The following RRP1B variants were observed in gnomAD, a reference collection of about 807,000 sequenced individuals.
RRP1B encodes ribosomal RNA processing 1B.
In RRP1B, 56 loss-of-function variants were observed where a neutral mutation model predicts 80.2. That is an observed-to-expected ratio of 0.70 (90% CI 0.56 to 0.87). The LOEUF (loss-of-function observed/expected upper bound fraction) is 0.87. RRP1B is among the 40% of genes least tolerant of loss of function. The probability of loss-of-function intolerance (pLI) is 0.00; values close to 1 mark genes in which losing one functional copy is unlikely to be tolerated. For synonymous variants in RRP1B, 351 were observed against 357.6 expected (o/e 0.98, Z 0.21); for missense variants, 807 against 939.8 (o/e 0.86, Z 1.85).
At chr21:43,662,810 C>T (rs575013302) in intron 1 of RRP1B, among the ~76,000 whole-genome samples, 82 of 152,244 alleles carry the variant, frequency 5.4e-4, no homozygotes, top group Middle Eastern at 3.4e-3. Flanking sequence ...CTATTATGTA[C>T]GCTATTCTTG....
At position 43,693,514 on chromosome 21, in the gene RRP1B, G is replaced by T. The variant is rs1232897910; in HGVS notation, c.*131G>T. The T allele has an allele frequency of 2.2e-6, 2 of 904,500 alleles. No homozygotes were observed. Among genetic ancestry groups the T allele is most frequent in the East Asian group, 2.9e-5 (1 of 34,258 alleles). 56.0% of individuals were successfully genotyped at this position (904,500 alleles called of 1,614,324 possible). A position where few individuals can be genotyped will look rare whatever the true frequency, so the allele number is the denominator to read the frequency against. ...GTTGTGTGCACGAGGTTCTGAGAGT[G>T]CCCGCAGGCTGCTGCGTCCTGGCCC... On this transcript the variant is annotated 3_prime_UTR_variant, in exon 16 of 16. Coordinates refer to ENST00000340648, the MANE Select transcript of RRP1B (RefSeq NM_015056.3). This position sits in a 1 kb window ranked among gnomAD's most constrained non-coding sequence, Gnocchi z 4.1.
At chr21:43,661,439 G>T (rs2082956802) in intron 1 of RRP1B, among the ~76,000 whole-genome samples, 1 of 152,130 alleles carries the variant, frequency 6.6e-6, no homozygotes, top group African/African-American at 2.4e-5. Context: ...TCAGATTCCA[G>T]CCGGACACAC....
intron 5 of RRP1B, 138 bp downstream of exon 5, chr21:43,674,835 G>C (rs2083015171): frequency 9.8e-7 from 1 of 1,020,358 alleles, no homozygotes; most frequent in Non-Finnish European, 1.5e-6. Context: ...TCCAGTAGAA[G>C]GCATAAAACA....
At chr21:43,667,997 C>A (rs1342741952) in intron 1 of RRP1B, among the ~76,000 whole-genome samples, 3 of 152,200 alleles carry the variant, frequency 2.0e-5, no homozygotes, top group Non-Finnish European at 4.4e-5. Flanking sequence ...CACCTGAGGT[C>A]AGGAGTTCCG....
At chr21:43,688,575 G>A (rs534799689) in intron 13 of RRP1B, among the ~76,000 whole-genome samples, 86 of 152,322 alleles carry the variant, frequency 5.6e-4, no homozygotes, top group Middle Eastern at 6.8e-3. Context: ...AGGCAGGTCT[G>A]GTTTTCTTCA....
At chr21:43,672,236 C>G in intron 2 of RRP1B, 72 bp from the exon 3 acceptor site, 1 of 1,352,070 alleles carries the variant, frequency 7.4e-7, no homozygotes. Context: ...GAGAAGGAAG[C>G]AGGCCGCGGC....
At chr21:43,667,174 G>T (rs1329394002) in intron 1 of RRP1B, among the ~76,000 whole-genome samples, 1 of 152,148 alleles carries the variant, frequency 6.6e-6, no homozygotes, top group Non-Finnish European at 1.5e-5. Flanking sequence ...GTGGGTTTGG[G>T]TGTTGATGGT....
At position 43,687,694 on chromosome 21, in the gene RRP1B, G is replaced by A. The variant is rs1238355676; in HGVS notation, c.1320G>A (p.Lys440=). 1.9e-6 allele frequency: 3 copies of A among 1,609,834 alleles called. No individual in the cohort carries two copies. In the Admixed American group the frequency reaches 5.0e-5, roughly 27 times the overall value. The part of the protein sequence containing the change: ...EPEASGLKAL[K]ARVAEPGAEA... ...AGGCCTCTGGGCTGAAAGCCCTGAA[G>A]GCACGTGTGGCCGAGCCAGGTGCAG... The change falls in exon 13 of 16, where the codon AAG becomes AAA. Residue 440 remains lysine, a synonymous_variant. Transcript: ENST00000340648.
chr21:43,674,137 T>C (rs762972846), intron 4 of RRP1B, among the ~76,000 whole-genome samples, 182 bp downstream of exon 4: 1 of 152,236 alleles, frequency 6.6e-6, no homozygotes, highest in Non-Finnish European at 1.5e-5. Flanking sequence ...AGGATGAGTT[T>C]GGGGAGCATT....
At chr21:43,672,427 C>T in intron 3 of RRP1B, 62 bp downstream of exon 3, 2 of 1,386,214 alleles carry the variant, frequency 1.4e-6, no homozygotes, top group Non-Finnish European at 1.0e-6. Flanking sequence ...TTAATGGGAA[C>T]CTTGTGCCGG....
chr21:43,666,963 G>A (rs988943725), intron 1 of RRP1B, among the ~76,000 whole-genome samples: 7 of 151,910 alleles, frequency 4.6e-5, no homozygotes, highest in Non-Finnish European at 1.0e-4. Flanking sequence ...GCATCCTGTT[G>A]TCTCACTTAC....
intron 8 of RRP1B, among the ~76,000 whole-genome samples, chr21:43,680,341 C>T (rs994688696): frequency 4.6e-5 from 7 of 151,842 alleles, no homozygotes; most frequent in Admixed American, 6.6e-5. Flanking sequence ...AGGTGGATTA[C>T]GAGGTCAGGA....
At chr21:43,676,020 G>A (rs1311086269) in intron 6 of RRP1B, among the ~76,000 whole-genome samples, 3 of 152,120 alleles carry the variant, frequency 2.0e-5, no homozygotes, top group African/African-American at 7.2e-5. Flanking sequence ...TGGGCATATA[G>A]GATAGTGCAG....
At chr21:43,675,310 T>A in intron 6 of RRP1B, 147 bp downstream of exon 6, 2 of 734,540 alleles carry the variant, frequency 2.7e-6, no homozygotes, top group Non-Finnish European at 4.5e-6. Flanking sequence ...GAATGTGTCC[T>A]AAGCAGCTGG....
intron 8 of RRP1B, among the ~76,000 whole-genome samples, chr21:43,679,083 G>A (rs1385461415): frequency 6.6e-6 from 1 of 151,998 alleles, no homozygotes; most frequent in East Asian, 1.9e-4. Context: ...TTTATTTCTG[G>A]GTTCTCCTGT....
At chr21:43,688,269 C>A in intron 13 of RRP1B, 29 bp downstream of exon 13, 1 of 1,499,714 alleles carries the variant, frequency 6.7e-7, no homozygotes, top group South Asian at 1.3e-5. Flanking sequence ...CAGGCCAGCT[C>A]GCCACAGAGG....
At chr21:43,676,646 G>A in intron 7 of RRP1B, 87 bp from the exon 8 acceptor site, 3 of 1,263,812 alleles carry the variant, frequency 2.4e-6, no homozygotes, top group Non-Finnish European at 3.4e-6. Context: ...ACAGCAACGT[G>A]TGCAGGGCTT....
rs1304876677 is a variant in RRP1B, at chr21:43,695,467, A to T, written c.*2084A>T. On this transcript the variant is annotated 3_prime_UTR_variant, in exon 16 of 16. Transcript: ENST00000340648. ...GGCTGGGAGTGACAGGGTGCTTCTT[A>T]GATTCTATTGGTCCTTCTCTCATTC... 1 of 152,338 alleles carries T rather than the reference A, an allele frequency of 6.6e-6. No homozygotes were observed. Among genetic ancestry groups the T allele is most frequent in the African/African-American group, 2.4e-5 (1 of 41,578 alleles). The allele number at this position is 152,338 out of a possible 1,614,324, so 9.4% of individuals were successfully genotyped here.
intron 8 of RRP1B, among the ~76,000 whole-genome samples, chr21:43,680,525 C>T (rs1445244631): frequency 2.0e-5 from 3 of 151,902 alleles, no homozygotes; most frequent in Admixed American, 2.0e-4. Context: ...GATCGAGCCA[C>T]TGCACTCCAG....
Sources: gnomAD v4.1 joint callset for allele counts (sites outside exome capture counted in the v4.1 genomes callset) on GRCh38, gnomAD v4.1.1 for gene constraint, Gnocchi (gnomAD v3.1) non-coding constraint, MANE v1.5 for transcripts, NCBI Gene and HGNC (gene_info 2026-07-23, HGNC 2026-07-21) for gene names.